Variants in SVBP observed in about 807,000 individuals in gnomAD.
The protein encoded by SVBP is small vasohibin binding protein.
In SVBP, 9 loss-of-function variants were observed where a neutral mutation model predicts 9.2. That is an observed-to-expected ratio of 0.98 (90% CI 0.59 to 1.71). The LOEUF (loss-of-function observed/expected upper bound fraction) is 1.71, where lower values mean the gene tolerates loss of function less well. Ranked by LOEUF, SVBP falls within the 40% of genes most tolerant of loss-of-function variation. The probability of loss-of-function intolerance (pLI) is 0.00; values close to 1 mark genes in which losing one functional copy is unlikely to be tolerated. For synonymous variants in SVBP, 27 were observed against 23.9 expected (o/e 1.13, Z -0.37); for missense variants, 63 against 73.2 (o/e 0.86, Z 0.51).
chr1:42,814,131 C>T (rs1654143440), intron 2 of SVBP, among the ~76,000 whole-genome samples: 1 of 150,712 alleles, frequency 6.6e-6, no homozygotes, highest in African/African-American at 2.4e-5. Flanking sequence ...CTCTGTCGCC[C>T]AGGCTAGAGT....
At chr1:42,816,790 T>C (rs1358780641) in intron 1 of SVBP, 2 of 461,742 alleles carry the variant, frequency 4.3e-6, no homozygotes, top group African/African-American at 2.0e-5. Context: ...CCTCCCCACT[T>C]TGAGCCTTAG....
intron 2 of SVBP, among the ~76,000 whole-genome samples, chr1:42,812,195 A>C (rs113261145): frequency 4.9e-4 from 75 of 152,342 alleles, no homozygotes; most frequent in African/African-American, 1.7e-3. Context: ...CTTACATTTA[A>C]TCATTAGTAG....
intron 2 of SVBP, among the ~76,000 whole-genome samples, chr1:42,810,117 TACATACATACACACACACACACAC>T (rs145161644): frequency 1.8e-5 from 2 of 112,708 alleles, no homozygotes; most frequent in African/African-American, 4.0e-5. Flanking sequence ...CACACACACA[TACATACATACACACACACACACAC>T]ACACACACAC....
At chr1:42,811,415 T>C (rs1044503847) in intron 2 of SVBP, among the ~76,000 whole-genome samples, 1 of 152,210 alleles carries the variant, frequency 6.6e-6, no homozygotes, top group African/African-American at 2.4e-5. Flanking sequence ...CATGTGGCTA[T>C]GCATGTGTAG....
chr1:42,813,337 CGTTG>C (rs1368214904), intron 2 of SVBP: 1 of 327,178 alleles, frequency 3.1e-6, no homozygotes, highest in Non-Finnish European at 6.3e-6. Context: ...TAAATTTTGA[CGTTG>C]GTTCTTCAGA....
intron 2 of SVBP, among the ~76,000 whole-genome samples, chr1:42,808,616 CTATAA>C (rs1312596133): frequency 1.4e-4 from 20 of 147,076 alleles, no homozygotes; most frequent in African/African-American, 2.5e-4. Context: ...TATATATAAC[CTATAA>C]TATAAGCCTA....
At chr1:42,809,885 A>T (rs323718) in intron 2 of SVBP, among the ~76,000 whole-genome samples, 99,777 of 151,964 alleles carry the variant, frequency 0.66, 33,051 homozygotes, top group South Asian at 0.82. Flanking sequence ...ATTGTTACAC[A>T]ACAAAATATT....
intron 2 of SVBP, among the ~76,000 whole-genome samples, chr1:42,810,744 C>T (rs527385108): frequency 1.3e-5 from 2 of 152,176 alleles, no homozygotes; most frequent in Non-Finnish European, 2.9e-5. Context: ...ATCTCTCCTT[C>T]ACATCTAACT....
At position 42,816,599 on chromosome 1, in the gene SVBP, G is replaced by T; in HGVS notation, c.-36-19C>A. On this transcript the variant is annotated intron_variant, in intron 1 of 2. Coordinates refer to ENST00000372521, the MANE Select transcript of SVBP (RefSeq NM_199342.4). ...CTCTGATCTGGGTGGTACAGAAAGAGGCAGATCTTCAAAACAAAACAAAAC... is the reference window on the plus strand; with the variant it reads ...CTCTGATCTGGGTGGTACAGAAAGATGCAGATCTTCAAAACAAAACAAAAC... 1.6e-6 allele frequency: 2 copies of T among 1,248,744 alleles called. No individual in the cohort carries two copies. The highest frequency in any genetic ancestry group is 1.5e-5 in the African/African-American group (1 of 66,998). 77.4% of individuals were successfully genotyped at this position (1,248,744 alleles called of 1,614,324 possible).
At chr1:42,816,064 T>C (rs749948790) in intron 2 of SVBP, 11 of 178,048 alleles carry the variant, frequency 6.2e-5, no homozygotes, top group East Asian at 4.8e-4. Context: ...CTACCTGGCA[T>C]GAGTAGCTGC....
At chr1:42,815,264 T>C (rs1225480938) in intron 2 of SVBP, among the ~76,000 whole-genome samples, 2 of 150,974 alleles carry the variant, frequency 1.3e-5, no homozygotes, top group Admixed American at 1.3e-4. Flanking sequence ...ATATACCTAA[T>C]GTAAATGACG....
In SVBP at chr1:42,815,411, A is replaced by G. The variant is rs572174701; in HGVS notation, c.114+1020T>C. ...AAAAGAGACTCCATCTCAAAAAAAA[A>G]AAGCAATGTGGCAATGTCTAGTAAA... On this transcript the variant is annotated intron_variant, in intron 2 of 2. Transcript: ENST00000372521. Among the ~76,000 whole-genome samples, 7 of 152,018 alleles carry G rather than the reference A, an allele frequency of 4.6e-5. No individual in the cohort carries two copies. In the South Asian group the frequency reaches 1.5e-3, roughly 32 times the overall value.
At chr1:42,813,346 T>C (rs1401943474) in intron 2 of SVBP, 1 of 346,756 alleles carries the variant, frequency 2.9e-6, no homozygotes, top group Non-Finnish European at 6.0e-6. Context: ...ACGTTGGTTC[T>C]TCAGAAAAAA....
intron 1 of SVBP, 140 bp from the exon 2 acceptor site, chr1:42,816,720 T>TG (rs1654220676): frequency 1.8e-6 from 1 of 560,742 alleles, no homozygotes; most frequent in Non-Finnish European, 3.1e-6. Context: ...GCGCTGGATG[T>TG]GGGGGAGTAG....
intron 2 of SVBP, among the ~76,000 whole-genome samples, chr1:42,809,819 G>A (rs1230272799): frequency 6.6e-6 from 1 of 152,110 alleles, no homozygotes; most frequent in Admixed American, 6.6e-5. Flanking sequence ...AAGGCTGAGT[G>A]AAGACAGCCA....
At chr1:42,816,620 AAAACAAAAAATACCCTGCCAG>A in intron 1 of SVBP, 40 bp from the exon 2 acceptor site, 3 of 1,034,836 alleles carry the variant, frequency 2.9e-6, no homozygotes, top group Non-Finnish European at 4.5e-6. Flanking sequence ...AAAACAAAAC[AAAACAAAAAATACCCTGCCAG>A]TTACTCCTCT....
intron 2 of SVBP, among the ~76,000 whole-genome samples, chr1:42,816,059 T>A (rs535756898): frequency 9.9e-5 from 15 of 152,252 alleles, no homozygotes; most frequent in South Asian, 2.1e-4. Context: ...GGCCTCTACC[T>A]GGCATGAGTA....
chr1:42,817,180 G>A lies in SVBP; in HGVS notation c.-37+10C>T. ...TGGAGCCGCCGACCAAGAGGCTTGG[G>A]AGTCTGTACCTTTCCCGACCGGGCC... is the stretch of plus-strand genomic sequence containing the variant. On this transcript the variant is annotated intron_variant, in intron 1 of 2. Coordinates refer to ENST00000372521, the MANE Select transcript of SVBP (RefSeq NM_199342.4). The A allele has an allele frequency of 8.1e-7, 1 of 1,240,640 alleles. No individual in the cohort carries two copies. The highest frequency in any genetic ancestry group is 1.0e-6 in the Non-Finnish European group (1 of 965,666). The allele number at this position is 1,240,640 out of a possible 1,614,324, so 76.9% of individuals were successfully genotyped here. A position where few individuals can be genotyped will look rare whatever the true frequency, so the allele number is the denominator to read the frequency against.
In SVBP at chr1:42,807,434, T is replaced by A; in HGVS notation, c.181A>T (p.Met61Leu). The A allele has an allele frequency of 6.2e-7, 1 of 1,613,880 alleles. No homozygotes were observed. Among genetic ancestry groups the A allele is most frequent in the Non-Finnish European group, 8.5e-7 (1 of 1,179,814 alleles). ...QQQFDEFCKQ[M>L]QPPGE ...GGGCCTCATTCTCCAGGAGGCTGCATCTGTTTACAGAACTCATCAAACTGC... is the reference window on the plus strand; with the variant it reads ...GGGCCTCATTCTCCAGGAGGCTGCAACTGTTTACAGAACTCATCAAACTGC... Residue 61 changes from methionine to leucine, a missense_variant, in exon 3 of 3, where the codon ATG becomes TTG. Met to Leu is a conservative substitution (Grantham distance 15). Transcript: ENST00000372521.
Sources: gnomAD v4.1 joint callset for allele counts (sites outside exome capture counted in the v4.1 genomes callset) on GRCh38, gnomAD v4.1.1 for gene constraint, MANE v1.5 for transcripts, NCBI Gene and HGNC (gene_info 2026-07-23, HGNC 2026-07-21) for gene names.